RANBP2: variants seen among roughly 807,000 people sequenced by gnomAD.
RANBP2 encodes the protein E3 SUMO-protein ligase RanBP2.
Under a neutral mutation model 303.6 loss-of-function variants are expected in RANBP2, and 57 were observed. That is an observed-to-expected ratio of 0.19 (90% CI 0.15 to 0.23). The LOEUF (loss-of-function observed/expected upper bound fraction) is 0.23. Among genes scored for constraint, RANBP2 ranks in the 10% least tolerant of loss-of-function variants. The pLI, the probability that RANBP2 is intolerant of heterozygous loss-of-function variation, is 1.00. For missense variants in RANBP2, 3,138 were observed against 3,780.8 expected (o/e 0.83, Z 4.46); for synonymous variants, 1,167 against 1,301.5 (o/e 0.90, Z 2.23).
the RANBP2 span, among the ~76,000 whole-genome samples, chr2:109,400,690 A>ACACT: frequency 0.52 from 78,498 of 151,764 alleles, 20,691 homozygotes; most frequent in South Asian, 0.6. Flanking sequence ...TGGTGGATAC[A>ACACT]CACCTGCACG....
the RANBP2 span, among the ~76,000 whole-genome samples, chr2:109,170,306 T>TCTCTTCTCTC: frequency 8.2e-6 from 1 of 122,246 alleles, no homozygotes; most frequent in Admixed American, 8.6e-5. Flanking sequence ...TCTCTTCTCT[T>TCTCTTCTCTC]CTCTTCTCTC....
At chr2:109,012,241 A>G in the RANBP2 span, among the ~76,000 whole-genome samples, 2 of 152,156 alleles carry the variant, frequency 1.3e-5, no homozygotes, top group Non-Finnish European at 2.9e-5. Flanking sequence ...CTTGGGCTGG[A>G]CAGTTTGCTC....
chr2:109,607,567 T>C, the RANBP2 span, among the ~76,000 whole-genome samples: 1 of 152,192 alleles, frequency 6.6e-6, no homozygotes, highest in Non-Finnish European at 1.5e-5. Flanking sequence ...TAGTACTGGA[T>C]TCCTCCCATT....
chr2:108,738,452 C>G (rs1268453651), intron 6 of RANBP2, among the ~76,000 whole-genome samples: 11 of 152,010 alleles, frequency 7.2e-5, no homozygotes, highest in Non-Finnish European at 1.6e-4. Context: ...CTTGACCTTC[C>G]AGTACCTTGT....
chr2:109,720,390 C>A, the RANBP2 span, among the ~76,000 whole-genome samples: 1 of 152,022 alleles, frequency 6.6e-6, no homozygotes, highest in African/African-American at 2.4e-5. Context: ...ATTCTGGCTA[C>A]ATCTTAGAAT....
At chr2:109,031,066 C>A in the RANBP2 span, among the ~76,000 whole-genome samples, 4 of 152,134 alleles carry the variant, frequency 2.6e-5, no homozygotes, top group Non-Finnish European at 1.5e-5. Context: ...GAGGGGACGC[C>A]ATGTGTGGAG....
chr2:108,845,787 G>A, the RANBP2 span, among the ~76,000 whole-genome samples: 1 of 152,082 alleles, frequency 6.6e-6, no homozygotes, highest in African/African-American at 2.4e-5. Flanking sequence ...TAGCCAGGAT[G>A]GTCTCGATCT....
the RANBP2 span, among the ~76,000 whole-genome samples, chr2:109,377,564 GA>G: frequency 1.3e-5 from 2 of 152,184 alleles, no homozygotes; most frequent in African/African-American, 4.8e-5. Context: ...TGGTGTTTGG[GA>G]AAATTGTGGA....
At chr2:109,283,524 A>G in the RANBP2 span, among the ~76,000 whole-genome samples, 1 of 151,830 alleles carries the variant, frequency 6.6e-6, no homozygotes, top group African/African-American at 2.4e-5. Context: ...AGAGTAGGGG[A>G]GGGATGGGCC....
the RANBP2 span, among the ~76,000 whole-genome samples, chr2:108,904,169 C>T: frequency 6.6e-6 from 1 of 151,798 alleles, no homozygotes; most frequent in African/African-American, 2.4e-5. Flanking sequence ...CATGAAGAAA[C>T]ATTCATTTTA....
the RANBP2 span, among the ~76,000 whole-genome samples, chr2:109,187,333 T>C: frequency 6.7e-6 from 1 of 150,034 alleles, no homozygotes; most frequent in Non-Finnish European, 1.5e-5. Flanking sequence ...AAAGCTCTTT[T>C]CTCCAGAGTG....
At chr2:109,339,932 G>A in the RANBP2 span, among the ~76,000 whole-genome samples, 1 of 152,346 alleles carries the variant, frequency 6.6e-6, no homozygotes, top group Admixed American at 6.5e-5. Context: ...TTTTGGGGGA[G>A]TGAGGAGGAG....
At chr2:109,632,474 G>C in the RANBP2 span, among the ~76,000 whole-genome samples, 1 of 152,182 alleles carries the variant, frequency 6.6e-6, no homozygotes, top group Non-Finnish European at 1.5e-5. Context: ...CACCCAGCTG[G>C]TCAGGTCAGT....
the RANBP2 span, among the ~76,000 whole-genome samples, chr2:108,838,019 C>T: frequency 2.0e-5 from 3 of 151,528 alleles, no homozygotes; most frequent in Admixed American, 6.6e-5. Context: ...GTGGTTTCCA[C>T]ATGAAAGGCA....
Position 108,765,378 on chromosome 2 carries a change from T to C in RANBP2, c.4839T>C (p.Ser1613=). 1.6e-6 allele frequency: 2 copies of C among 1,225,080 alleles called. No individual in the cohort carries two copies. The highest frequency in any genetic ancestry group is 1.2e-5 in the South Asian group (1 of 82,890). The allele number at this position is 1,225,080 out of a possible 1,614,324, so 75.9% of individuals were successfully genotyped here. The change falls in exon 20 of 29, where the codon AGT becomes AGC. Residue 1613 remains serine, a synonymous_variant. Coordinates refer to ENST00000283195, the MANE Select transcript of RANBP2 (RefSeq NM_006267.5). ...FTKKEGQWDC[S]VCLVRNEASA... ...AGAAGGAGGGACAGTGGGATTGCAG[T>C]GTGTGCTTAGTAAGAAATGAAGCCA...
the RANBP2 span, among the ~76,000 whole-genome samples, chr2:109,055,523 G>T: frequency 6.7e-6 from 1 of 149,602 alleles, no homozygotes; most frequent in African/African-American, 2.4e-5. Context: ...ACCGTGTCCG[G>T]CTAATTTTCT....
the RANBP2 span, among the ~76,000 whole-genome samples, chr2:109,592,393 A>G: frequency 6.6e-6 from 1 of 152,068 alleles, no homozygotes; most frequent in African/African-American, 2.4e-5. Flanking sequence ...TGAACCCGGG[A>G]GGCAGAGGTT....
At chr2:109,212,979 A>G in the RANBP2 span, among the ~76,000 whole-genome samples, 3 of 152,206 alleles carry the variant, frequency 2.0e-5, no homozygotes, top group Non-Finnish European at 4.4e-5. Context: ...CACACATCCC[A>G]GGGAAGCCCT....
At chr2:109,159,593 C>T in the RANBP2 span, among the ~76,000 whole-genome samples, 2 of 152,172 alleles carry the variant, frequency 1.3e-5, no homozygotes, top group African/African-American at 4.8e-5. Context: ...GTACCCAATC[C>T]CTGGGCCATG....
Sources: allele counts gnomAD v4.1 joint callset (sites outside exome capture counted in the v4.1 genomes callset), GRCh38; gene constraint gnomAD v4.1.1; transcripts MANE v1.5; gene names NCBI Gene and HGNC (gene_info 2026-07-23, HGNC 2026-07-21).